OLA1: variants seen among roughly 807,000 people sequenced by gnomAD.
OLA1 encodes the protein Obg like ATPase 1.
A neutral mutation model predicts 48.4 loss-of-function variants in OLA1; 14 were observed. That is an observed-to-expected ratio of 0.29 (90% confidence interval 0.19 to 0.45). OLA1 has a LOEUF of 0.45. OLA1 is among the 20% of genes least tolerant of loss of function. OLA1 has a pLI of 1.00. For synonymous variants in OLA1, 127 were observed against 150.4 expected (o/e 0.84, Z 1.14); for missense variants, 325 against 467.1 (o/e 0.70, Z 2.80).
chr2:174,094,368 C>G (rs888546645), intron 7 of OLA1, among the ~76,000 whole-genome samples: 5 of 152,182 alleles, frequency 3.3e-5, no homozygotes, highest in African/African-American at 1.2e-4. Flanking sequence ...TCAAACAGAT[C>G]TACAGATTCA....
rs1381457866 is a variant in OLA1, at chr2:174,079,125, T to C, written c.967-35A>G. ...GAAAGACCAGAGAAAACTAATTGCA[T>C]TTAAGATGACTGATTGTAAGCACAG... On this transcript the variant is annotated intron_variant, in intron 9 of 10. Transcript: ENST00000284719. The C allele has an allele frequency of 3.2e-6, 5 of 1,560,994 alleles. No individual in the cohort carries two copies. In the Admixed American group the frequency reaches 8.1e-5, roughly 25 times the overall value.
intron 4 of OLA1, among the ~76,000 whole-genome samples, chr2:174,213,225 T>C (rs1242462852): frequency 3.3e-5 from 5 of 152,176 alleles, no homozygotes; most frequent in Admixed American, 1.3e-4. Context: ...ACTATACGTT[T>C]CTAAACCGGG....
chr2:174,139,524 T>C (rs571576378), intron 5 of OLA1, among the ~76,000 whole-genome samples: 1 of 152,200 alleles, frequency 6.6e-6, no homozygotes, highest in African/African-American at 2.4e-5. Flanking sequence ...ACTCCTGCCT[T>C]CTTTATTTAG....
intron 7 of OLA1, among the ~76,000 whole-genome samples, chr2:174,118,200 C>A (rs1685828976): frequency 1.3e-5 from 2 of 152,160 alleles, no homozygotes; most frequent in South Asian, 4.1e-4. Context: ...TCATACCAGG[C>A]CCCTCCTCCA....
intron 5 of OLA1, among the ~76,000 whole-genome samples, chr2:174,139,721 CG>C (rs1049039001): frequency 7.9e-5 from 12 of 151,852 alleles, no homozygotes; most frequent in African/African-American, 2.9e-4. Context: ...AAAAATTAGC[CG>C]GGTGTGGTGG....
At chr2:174,207,893 A>G (rs1406090803) in intron 4 of OLA1, among the ~76,000 whole-genome samples, 1 of 152,222 alleles carries the variant, frequency 6.6e-6, no homozygotes, top group Non-Finnish European at 1.5e-5. Flanking sequence ...ATTCACTTAA[A>G]CACAGACCTT....
At chr2:174,096,984 C>T (rs533385024) in intron 7 of OLA1, among the ~76,000 whole-genome samples, 24 of 152,120 alleles carry the variant, frequency 1.6e-4, no homozygotes, top group Admixed American at 1.0e-3. Context: ...GGCGAAACCC[C>T]GTCTCTACTA....
intron 3 of OLA1, among the ~76,000 whole-genome samples, chr2:174,229,027 C>T (rs1559016304): frequency 6.6e-6 from 1 of 152,152 alleles, no homozygotes; most frequent in Non-Finnish European, 1.5e-5. Flanking sequence ...CAGGCACCTG[C>T]CACCACACCC....
rs377176250 is a variant in OLA1, at chr2:174,149,186, T to C, written c.374-7186A>G. On this transcript the variant is annotated intron_variant, in intron 4 of 10. Transcript: ENST00000284719. ...GATCTTAGAAAGGACATCAGTGATTTGCCTTAATGATTTTAAATCTAACAG... is the reference window on the plus strand; with the variant it reads ...GATCTTAGAAAGGACATCAGTGATTCGCCTTAATGATTTTAAATCTAACAG... 2.0e-4 allele frequency among the ~76,000 whole-genome samples: 30 copies of C among 152,332 alleles called. 1 individual carries two copies. The East Asian group carries it at 4.4e-3, about 23-fold the overall frequency.
chr2:174,239,100 A>T (rs1688933008), intron 2 of OLA1, among the ~76,000 whole-genome samples: 1 of 152,196 alleles, frequency 6.6e-6, no homozygotes, highest in African/African-American at 2.4e-5. Context: ...TTCCTTCTAC[A>T]AATTGTTTCT....
chr2:174,232,707 T>C (rs1688759013), intron 2 of OLA1, among the ~76,000 whole-genome samples: 1 of 152,062 alleles, frequency 6.6e-6, no homozygotes, highest in African/African-American at 2.4e-5. Flanking sequence ...AAAAACAAGA[T>C]GATAAGTGTT....
At chr2:174,148,065 T>C (rs1034175531) in intron 4 of OLA1, among the ~76,000 whole-genome samples, 6 of 152,306 alleles carry the variant, frequency 3.9e-5, no homozygotes, top group Non-Finnish European at 7.4e-5. Context: ...GTGGTCTGCC[T>C]GCCTGGCCTT....
chr2:174,244,828 C>T (rs776932523), intron 2 of OLA1, among the ~76,000 whole-genome samples: 4 of 151,958 alleles, frequency 2.6e-5, no homozygotes, highest in Non-Finnish European at 4.4e-5. Context: ...GATGGGGTTT[C>T]GCCATGTTGG....
chr2:174,161,881 G>A (rs967693783), intron 4 of OLA1, among the ~76,000 whole-genome samples: 1 of 152,094 alleles, frequency 6.6e-6, no homozygotes, highest in Non-Finnish European at 1.5e-5. Flanking sequence ...TTTATTGACT[G>A]CTATGTAAAA....
At chr2:174,215,414 T>C (rs1357830327) in intron 4 of OLA1, among the ~76,000 whole-genome samples, 3 of 152,212 alleles carry the variant, frequency 2.0e-5, no homozygotes, top group Non-Finnish European at 2.9e-5. Context: ...TCCTTGAACT[T>C]AGGTTTGAAT....
chr2:174,237,129 ATT>A (rs1226511138), intron 2 of OLA1, among the ~76,000 whole-genome samples: 2 of 152,044 alleles, frequency 1.3e-5, no homozygotes, highest in African/African-American at 2.4e-5. Context: ...GTACAAAAAT[ATT>A]TTTTCTTTAT....
chr2:174,111,001 T>A (rs1685635040), intron 7 of OLA1, among the ~76,000 whole-genome samples: 1 of 152,216 alleles, frequency 6.6e-6, no homozygotes, highest in Non-Finnish European at 1.5e-5. Context: ...CACATACATA[T>A]GCTTTTCTCT....
intron 5 of OLA1, among the ~76,000 whole-genome samples, chr2:174,139,362 T>C (rs1686385510): frequency 6.6e-6 from 1 of 152,154 alleles, no homozygotes; most frequent in African/African-American, 2.4e-5. Flanking sequence ...AGAGAGAGCA[T>C]GGCCCTGCCA....
intron 7 of OLA1, among the ~76,000 whole-genome samples, chr2:174,096,444 C>T (rs1396787190): frequency 6.6e-6 from 1 of 152,090 alleles, no homozygotes; most frequent in East Asian, 1.9e-4. Flanking sequence ...AAAAATAAAA[C>T]CCCAAAAGTA....
Sources: allele counts gnomAD v4.1 joint callset (sites outside exome capture counted in the v4.1 genomes callset), GRCh38; gene constraint gnomAD v4.1.1; transcripts MANE v1.5; gene names NCBI Gene and HGNC (gene_info 2026-07-23, HGNC 2026-07-21).